Variants in MNAT1 observed in about 807,000 individuals in gnomAD.
The protein encoded by MNAT1 is CDK-activating kinase assembly factor MAT1.
Under a neutral mutation model 42.0 loss-of-function variants are expected in MNAT1, and 43 were observed. That is an observed-to-expected ratio of 1.02 (90% CI 0.80 to 1.32). The LOEUF is 1.32. Ranked by LOEUF, MNAT1 falls within the 40% of genes most tolerant of loss-of-function variation. The pLI, the probability that MNAT1 is intolerant of heterozygous loss-of-function variation, is 0.00. For missense variants in MNAT1, 306 were observed against 350.4 expected, an observed-to-expected ratio of 0.87 and a Z score of 1.01; for synonymous variants, 118 against 120.0, an observed-to-expected ratio of 0.98 and a Z score of 0.11.
chr14:60,809,215 G>A (rs888821750), intron 4 of MNAT1, among the ~76,000 whole-genome samples: 1 of 152,070 alleles, frequency 6.6e-6, no homozygotes, highest in Non-Finnish European at 1.5e-5. Context: ...TCAGGATTTT[G>A]TAATAATCAG....
chr14:60,800,753 G>A (rs1426805588), intron 3 of MNAT1, among the ~76,000 whole-genome samples: 1 of 152,080 alleles, frequency 6.6e-6, no homozygotes, highest in African/African-American at 2.4e-5. Context: ...TTATTTAAAT[G>A]TTCAACTATA....
chr14:60,832,969 C>T (rs146375696), intron 6 of MNAT1, among the ~76,000 whole-genome samples: 4 of 152,206 alleles, frequency 2.6e-5, no homozygotes, highest in East Asian at 1.9e-4. Flanking sequence ...CATGATTTGG[C>T]TCTCTGCTTG....
At chr14:60,958,919 G>A (rs201960007) in intron 7 of MNAT1, among the ~76,000 whole-genome samples, 5 of 152,176 alleles carry the variant, frequency 3.3e-5, no homozygotes, top group Middle Eastern at 3.4e-3. Flanking sequence ...GATTACAGGC[G>A]TGAGCCACTG....
chr14:60,768,754 A>G (rs148297014), intron 1 of MNAT1, among the ~76,000 whole-genome samples: 2 of 152,336 alleles, frequency 1.3e-5, no homozygotes, highest in African/African-American at 4.8e-5. Context: ...TAACTTGCCT[A>G]AGGAAACAAA....
chr14:60,881,263 C>T (rs1293156799), intron 7 of MNAT1, among the ~76,000 whole-genome samples: 3 of 152,164 alleles, frequency 2.0e-5, no homozygotes, highest in Non-Finnish European at 4.4e-5. Context: ...TGGCTCACTG[C>T]AACCTCTGCC....
At chr14:60,770,897 T>A (rs2031028625) in intron 1 of MNAT1, among the ~76,000 whole-genome samples, 1 of 152,204 alleles carries the variant, frequency 6.6e-6, no homozygotes, top group African/African-American at 2.4e-5. Context: ...TTATATAGTA[T>A]TCCATTGTAG....
chr14:60,902,607 TA>T (rs1227845448), intron 7 of MNAT1, among the ~76,000 whole-genome samples: 1 of 152,142 alleles, frequency 6.6e-6, no homozygotes. Flanking sequence ...ACAACTTAGC[TA>T]ATAAGATACA....
intron 7 of MNAT1, among the ~76,000 whole-genome samples, chr14:60,902,648 AATCCT>A (rs1440834680): frequency 3.9e-5 from 6 of 152,128 alleles, no homozygotes; most frequent in Non-Finnish European, 5.9e-5. Context: ...ATCAAACACC[AATCCT>A]TTTGGGATTG....
At chr14:60,961,092 A>T (rs4151397) in intron 7 of MNAT1, among the ~76,000 whole-genome samples, 3,459 of 152,092 alleles carry the variant, frequency 0.023, 121 homozygotes, top group African/African-American at 0.078. Flanking sequence ...CCTCCCGAGT[A>T]GCTGAGATTA....
At chr14:60,935,766 C>CAGTATTGGAT (rs2035981758) in intron 7 of MNAT1, among the ~76,000 whole-genome samples, 1 of 152,036 alleles carries the variant, frequency 6.6e-6, no homozygotes, top group Non-Finnish European at 1.5e-5. Context: ...ACAGATGCTG[C>CAGTATTGGAT]TTTTTTCAAA....
chr14:60,739,353 C>A (rs541788843), intron 1 of MNAT1, among the ~76,000 whole-genome samples: 1 of 151,632 alleles, frequency 6.6e-6, no homozygotes, highest in Admixed American at 6.6e-5. Flanking sequence ...ATTGGGCTAT[C>A]TTGAAGGCTG....
At chr14:60,919,423 G>T in intron 7 of MNAT1, 2 of 157,014 alleles carry the variant, frequency 1.3e-5, no homozygotes, top group South Asian at 1.9e-4. Context: ...TGGCCACTGC[G>T]GTAGGTGGGG....
chr14:60,925,097 T>C (rs2035739573), intron 7 of MNAT1, among the ~76,000 whole-genome samples: 1 of 152,152 alleles, frequency 6.6e-6, no homozygotes, highest in Non-Finnish European at 1.5e-5. Context: ...AGAAAAACAA[T>C]AGTTGGGCCT....
At chr14:60,911,127 A>G (rs1013661008) in intron 7 of MNAT1, among the ~76,000 whole-genome samples, 8 of 152,128 alleles carry the variant, frequency 5.3e-5, no homozygotes, top group Non-Finnish European at 1.0e-4. Flanking sequence ...TGTTTATAGT[A>G]TTCTCTGATG....
At chr14:60,812,280 T>A (rs2032577138) in intron 5 of MNAT1, among the ~76,000 whole-genome samples, 153 bp downstream of exon 5, 1 of 152,222 alleles carries the variant, frequency 6.6e-6, no homozygotes, top group Non-Finnish European at 1.5e-5. Context: ...ATCAGTGTAT[T>A]TATTGCTGAA....
intron 6 of MNAT1, among the ~76,000 whole-genome samples, chr14:60,856,072 G>A (rs2033952425): frequency 6.6e-6 from 1 of 152,106 alleles, no homozygotes; most frequent in South Asian, 2.1e-4. Context: ...TAAATCAAAA[G>A]CTAGAAACGA....
intron 7 of MNAT1, among the ~76,000 whole-genome samples, chr14:60,900,711 T>G (rs1469662357): frequency 6.6e-6 from 1 of 152,090 alleles, no homozygotes; most frequent in Non-Finnish European, 1.5e-5. Context: ...TCTAGGATTT[T>G]CATAGCCAGA....
chr14:60,844,472 C>T (rs567365812), intron 6 of MNAT1, among the ~76,000 whole-genome samples: 1 of 152,160 alleles, frequency 6.6e-6, no homozygotes, highest in Non-Finnish European at 1.5e-5. Context: ...GTGTGGGATG[C>T]TCTTTTCAAG....
chr14:60,772,348 G>C (rs1000562312), intron 1 of MNAT1, among the ~76,000 whole-genome samples: 1 of 152,184 alleles, frequency 6.6e-6, no homozygotes, highest in Admixed American at 6.5e-5. Flanking sequence ...ACTTTGGGAG[G>C]CGGAGGCAGG....
Sources: allele counts gnomAD v4.1 joint callset (sites outside exome capture counted in the v4.1 genomes callset), GRCh38; gene constraint gnomAD v4.1.1; transcripts MANE v1.5; gene names NCBI Gene and HGNC (gene_info 2026-07-23, HGNC 2026-07-21).